Variants in REEP4 observed in about 807,000 individuals in gnomAD.
REEP4 encodes receptor accessory protein 4.
Under a neutral mutation model 33.5 loss-of-function variants are expected in REEP4, and 17 were observed. The observed-to-expected ratio is 0.51, with a 90% CI of 0.35 to 0.76. The LOEUF (loss-of-function observed/expected upper bound fraction) is 0.76, where lower values mean the gene tolerates loss of function less well. REEP4 is among the 30% of genes least tolerant of loss of function. The pLI is 0.01. For missense variants in REEP4, 340 were observed against 357.9 expected, an observed-to-expected ratio of 0.95 and a Z score of 0.40; for synonymous variants, 157 against 142.9, an observed-to-expected ratio of 1.10 and a Z score of -0.70.
chr8:22,139,288 C>T (rs1481517911), intron 5 of REEP4, 128 bp downstream of exon 5: 6 of 930,104 alleles, frequency 6.5e-6, no homozygotes, highest in African/African-American at 3.3e-5. Flanking sequence ...CTGCCAATAC[C>T]CCCCCGTCAC....
chr8:22,138,709 C>T lies in REEP4; in HGVS notation c.638G>A (p.Arg213Gln), dbSNP rs761691022. Reference protein sequence around the residue: ...DTEAVPRAPARPREKPLIRSQ... With the variant: ...DTEAVPRAPAQPREKPLIRSQ... Reference sequence around the variant, plus strand: ...GCGGATTAGGGGCTTCTCTCGGGGCCGGGCTGGCGCCCGGGGGACTGCCTC... The same window carrying T: ...GCGGATTAGGGGCTTCTCTCGGGGCTGGGCTGGCGCCCGGGGGACTGCCTC... The change falls in exon 7 of 8, where the codon CGG becomes CAG. Residue 213 changes from arginine (R) to glutamine (Q), a missense_variant. Transcript: ENST00000306306. 16 of 1,612,900 alleles carry T rather than the reference C, an allele frequency of 9.9e-6. No homozygotes were observed. Among genetic ancestry groups the T allele is most frequent in the East Asian group, 4.5e-5 (2 of 44,874 alleles).
intron 1 of REEP4, 146 bp from the exon 2 acceptor site, chr8:22,140,843 GC>G: frequency 1.4e-6 from 1 of 695,196 alleles, no homozygotes; most frequent in Non-Finnish European, 2.5e-6. Context: ...CTGAGTCAGA[GC>G]CCTGGAGGCC....
At chr8:22,139,700 G>A (rs940910341) in intron 4 of REEP4, 171 bp from the exon 5 acceptor site, 8 of 675,578 alleles carry the variant, frequency 1.2e-5, no homozygotes, top group East Asian at 2.7e-5. Flanking sequence ...GCTGCCACCC[G>A]CTCACACCTC....
intron 2 of REEP4, 28 bp from the exon 3 acceptor site, chr8:22,140,276 A>G (rs1827208683): frequency 6.2e-7 from 1 of 1,611,964 alleles, no homozygotes; most frequent in Admixed American, 1.7e-5. Flanking sequence ...AGAGGTCAGC[A>G]TGGGGCCTGC....
At position 22,139,505 on chromosome 8, in the gene REEP4, C is replaced by T. The variant is rs145324481; in HGVS notation, c.328G>A (p.Ala110Thr). 2.5e-6 allele frequency: 4 copies of T among 1,610,314 alleles called. No individual in the cohort carries two copies. The highest frequency in any genetic ancestry group is 3.4e-6 in the Non-Finnish European group (4 of 1,179,820). Residue 110 changes from alanine to threonine, a missense_variant, in exon 5 of 8, where the codon GCC becomes ACC. Coordinates refer to ENST00000306306, the MANE Select transcript of REEP4 (RefSeq NM_025232.4). ...EKEIDAYIVQ[A>T]KERSYETVLS... ...ACGGTCTCGTAGCTGCGCTCCTTGG[C>T]CTGCACGATGTACGCGTCGATCTCC...
chr8:22,140,908 G>A (rs576951570), intron 1 of REEP4, among the ~76,000 whole-genome samples: 2 of 152,336 alleles, frequency 1.3e-5, no homozygotes, highest in African/African-American at 2.4e-5. Flanking sequence ...GCCTGCACCG[G>A]TGGCCCATGG....
chr8:22,139,287 C>G (rs1231085400), intron 5 of REEP4, 129 bp downstream of exon 5: 15 of 926,018 alleles, frequency 1.6e-5, no homozygotes, highest in Non-Finnish European at 2.4e-5. Flanking sequence ...TCTGCCAATA[C>G]CCCCCCGTCA....
At chr8:22,139,665 G>A in intron 4 of REEP4, 136 bp from the exon 5 acceptor site, 2 of 758,188 alleles carry the variant, frequency 2.6e-6, no homozygotes, top group East Asian at 2.7e-5. Flanking sequence ...ACAAATCCGG[G>A]CCACAAACAC....
Position 22,138,389 on chromosome 8 carries a change from G to T in REEP4, c.*98C>A. 2 of 1,409,626 alleles carry T rather than the reference G, an allele frequency of 1.4e-6. No individual in the cohort carries two copies. The highest frequency in any genetic ancestry group is 2.0e-6 in the Non-Finnish European group (2 of 1,008,234). 87.3% of individuals were successfully genotyped at this position (1,409,626 alleles called of 1,614,324 possible). A position where few individuals can be genotyped will look rare whatever the true frequency, so the allele number is the denominator to read the frequency against. On this transcript the variant is annotated 3_prime_UTR_variant, in exon 8 of 8. Transcript: ENST00000306306. Reference sequence around the variant, plus strand: ...GAGTCAGGAGGGTGGGGCCCAGGCAGCTGGTGCAGGCAGGCCAGATGTGCA... The same window carrying T: ...GAGTCAGGAGGGTGGGGCCCAGGCATCTGGTGCAGGCAGGCCAGATGTGCA...
Position 22,140,395 on chromosome 8 carries a change from G to A in REEP4, c.106-147C>T, listed in dbSNP as rs60948231. ...GGCTGGACAGGAGCTCTGAGAAACT[G>A]CTGCTCATTCCTATGCCCGCCTCCA... is the stretch of plus-strand genomic sequence containing the variant. On this transcript the variant is annotated intron_variant, in intron 2 of 7. Coordinates refer to ENST00000306306, the MANE Select transcript of REEP4 (RefSeq NM_025232.4). The A allele has an allele frequency of 2.4e-3, 2,189 of 928,376 alleles. 17 individuals are homozygous for A. Among genetic ancestry groups the A allele is most frequent in the African/African-American group, 0.02 (1,224 of 61,234 alleles). The allele number at this position is 928,376 out of a possible 1,614,324, so 57.5% of individuals were successfully genotyped here.
intron 4 of REEP4, 85 bp from the exon 5 acceptor site, chr8:22,139,614 C>A (rs533777148): frequency 8.5e-7 from 1 of 1,172,984 alleles, no homozygotes; most frequent in Non-Finnish European, 1.2e-6. Flanking sequence ...CTGGTTGTGG[C>A]GCCACCCAGC....
Position 22,139,526 on chromosome 8 carries a change from T to A in REEP4, c.307A>T (p.Ile103Phe). The change falls in exon 5 of 8, where the codon ATC becomes TTC. Residue 103 changes from isoleucine (I) to phenylalanine (F), a missense_variant. Transcript: ENST00000306306. ...TTGGCCTGCACGATGTACGCGTCGA[T>A]CTCCTGTGGACCCAATGGGGAGGAG... The part of the protein sequence containing the change: ...HPSLSRHEKE[I>F]DAYIVQAKER... The A allele has an allele frequency of 1.2e-6, 2 of 1,607,662 alleles. No homozygotes were observed. The highest frequency in any genetic ancestry group is 4.5e-5 in the East Asian group (2 of 44,872).
rs138280096 is a variant in REEP4 at position 22,139,520 on chromosome 8, C to A, written c.313G>T (p.Ala105Ser). 3.1e-6 allele frequency: 5 copies of A among 1,608,506 alleles called. No individual in the cohort carries two copies. Among genetic ancestry groups the A allele is most frequent in the Non-Finnish European group, 4.2e-6 (5 of 1,179,112 alleles). ...CGCTCCTTGGCCTGCACGATGTACG[C>A]GTCGATCTCCTGTGGACCCAATGGG... ...SLSRHEKEID[A>S]YIVQAKERSY... is the part of the protein sequence containing the mutation. Residue 105 changes from alanine to serine, a missense_variant, in exon 5 of 8, where the codon GCG becomes TCG. By Grantham distance (99) the Ala-to-Ser change is moderately conservative (BLOSUM62 1). Coordinates refer to ENST00000306306, the MANE Select transcript of REEP4 (RefSeq NM_025232.4).
chr8:22,139,520 C>T lies in REEP4; in HGVS notation c.313G>A (p.Ala105Thr), dbSNP rs138280096. ...CGCTCCTTGGCCTGCACGATGTACG[C>T]GTCGATCTCCTGTGGACCCAATGGG... ...SLSRHEKEID[A>T]YIVQAKERSY... The change falls in exon 5 of 8, where the codon GCG (alanine) becomes ACG (threonine). Residue 105 changes from alanine to threonine, a missense_variant. Ala to Thr is a moderately conservative substitution (Grantham distance 58). Coordinates refer to ENST00000306306, the MANE Select transcript of REEP4 (RefSeq NM_025232.4). The T allele has an allele frequency of 5.0e-6, 8 of 1,608,624 alleles. No homozygotes were observed. Among genetic ancestry groups the T allele is most frequent in the Non-Finnish European group, 6.8e-6 (8 of 1,179,104 alleles).
In REEP4 at chr8:22,140,218, C is replaced by T. The variant is rs139490906; in HGVS notation, c.136G>A (p.Ala46Thr). The T allele has an allele frequency of 1.2e-5, 19 of 1,614,104 alleles. No homozygotes were observed. The highest frequency in any genetic ancestry group is 1.7e-5 in the Admixed American group (1 of 60,022). ...ACGATCTCTGCTGCCATGAAGAGTG[C>T]AAAAACAATCCAGTACATCATCCAC... ...VRWMMYWIVF[A>T]LFMAAEIVTD... The change falls in exon 3 of 8, where the codon GCA (alanine) becomes ACA (threonine). Residue 46 changes from alanine (A) to threonine (T), a missense_variant. Ala to Thr is a moderately conservative substitution (Grantham distance 58). Coordinates refer to ENST00000306306, the MANE Select transcript of REEP4 (RefSeq NM_025232.4).
rs1223176622 is a variant in REEP4, at chr8:22,138,021, C to A, written c.*466G>T. 1 of 379,402 alleles carries A rather than the reference C, an allele frequency of 2.6e-6. No individual in the cohort carries two copies. The highest frequency in any genetic ancestry group is 2.8e-5 in the South Asian group (1 of 35,264). 23.5% of individuals were successfully genotyped at this position (379,402 alleles called of 1,614,324 possible). A position where few individuals can be genotyped will look rare whatever the true frequency, so the allele number is the denominator to read the frequency against. The stretch of plus-strand genomic sequence containing the variant: ...GGAGTAAGAATCAGGAGAAACAGAG[C>A]CCCTTTATGTATTTATTTATCAAAA... On this transcript the variant is annotated 3_prime_UTR_variant, in exon 8 of 8. Transcript: ENST00000306306.
intron 6 of REEP4, 55 bp from the exon 7 acceptor site, chr8:22,138,848 G>A (rs1272461717): frequency 1.5e-5 from 23 of 1,558,130 alleles, no homozygotes; most frequent in East Asian, 2.3e-5. Flanking sequence ...GCCCTTCCTC[G>A]AGCCTTGGGG....
Position 22,138,532 on chromosome 8 carries a change from C to T in REEP4, c.729G>A (p.Lys243=), listed in dbSNP as rs1199316409. Reference sequence around the variant, plus strand: ...GCACAGTCTTTTTCCTCGTCCGAACCTTCAGGGAGCGCGAGGTGCCCTGGG... The same window carrying T: ...GCACAGTCTTTTTCCTCGTCCGAACTTTCAGGGAGCGCGAGGTGCCCTGGG... ...PVREGTSRSL[K]VRTRKKTVPS... The change falls in exon 8 of 8, where the codon AAG becomes AAA. Residue 243 remains lysine, a synonymous_variant. Transcript: ENST00000306306. 6 of 1,613,996 alleles carry T rather than the reference C, an allele frequency of 3.7e-6. No homozygotes were observed. The highest frequency in any genetic ancestry group is 1.6e-4 in the Middle Eastern group (1 of 6,062).
At chr8:22,139,637 C>A in intron 4 of REEP4, 108 bp from the exon 5 acceptor site, 1 of 898,664 alleles carries the variant, frequency 1.1e-6, no homozygotes, top group Non-Finnish European at 1.7e-6. Flanking sequence ...AGCCCAGCCC[C>A]ACCTGGTGCC....
Sources: gnomAD v4.1 joint callset for allele counts (sites outside exome capture counted in the v4.1 genomes callset) on GRCh38, gnomAD v4.1.1 for gene constraint, MANE v1.5 for transcripts, NCBI Gene and HGNC (gene_info 2026-07-23, HGNC 2026-07-21) for gene names.